Variants in TRIM33 observed in about 807,000 individuals in gnomAD.
The protein encoded by TRIM33 is tripartite motif containing 33.
A neutral mutation model predicts 125.4 loss-of-function variants in TRIM33; 20 were observed. That is an observed-to-expected ratio of 0.16 (90% CI 0.11 to 0.23). The LOEUF (loss-of-function observed/expected upper bound fraction) is 0.23. Ranked by LOEUF, TRIM33 falls within the 10% of genes least tolerant of loss-of-function variation. The pLI, the probability that TRIM33 is intolerant of heterozygous loss-of-function variation, is 1.00. For synonymous variants in TRIM33, 564 were observed against 513.9 expected, an observed-to-expected ratio of 1.10 and a Z score of -1.32; for missense variants, 920 against 1,411.4, an observed-to-expected ratio of 0.65 and a Z score of 5.58.
intron 1 of TRIM33, among the ~76,000 whole-genome samples, chr1:114,480,659 C>T (rs1010897918): frequency 2.0e-5 from 3 of 151,806 alleles, no homozygotes; most frequent in Non-Finnish European, 2.9e-5. Context: ...AAAAATGACA[C>T]ACGGAAAACA....
intron 1 of TRIM33, among the ~76,000 whole-genome samples, chr1:114,492,550 C>G (rs1014720499): frequency 1.3e-5 from 2 of 152,114 alleles, no homozygotes; most frequent in African/African-American, 2.4e-5. Flanking sequence ...ATTCCTCCCC[C>G]ACTCCCATCC....
At position 114,394,101 on chromosome 1, in the gene TRIM33, T is replaced by C. The variant is rs990261091; in HGVS notation, c.*3547A>G. ...TTCAGCAGATCATTAACATAGATGGTACAGAAATTAAGAATTCATGGTATG... is the reference window on the plus strand; with the variant it reads ...TTCAGCAGATCATTAACATAGATGGCACAGAAATTAAGAATTCATGGTATG... On this transcript the variant is annotated 3_prime_UTR_variant, in exon 20 of 20. Transcript: ENST00000358465. The C allele has an allele frequency of 2.2e-5, 5 of 228,076 alleles. No homozygotes were observed. The highest frequency in any genetic ancestry group is 4.4e-5 in the Non-Finnish European group (5 of 114,610). 14.1% of individuals were successfully genotyped at this position (228,076 alleles called of 1,614,324 possible).
chr1:114,424,881 C>A, intron 9 of TRIM33, 126 bp from the exon 10 acceptor site: 1 of 681,068 alleles, frequency 1.5e-6, no homozygotes, highest in Non-Finnish European at 2.2e-6. Flanking sequence ...ATAAATAATT[C>A]TTATCGCTAG....
chr1:114,410,221 A>G lies in TRIM33; in HGVS notation c.2157T>C (p.Pro719=). The change falls in exon 12 of 20, where the codon CCT becomes CCC. Residue 719 remains proline, a synonymous_variant. Transcript: ENST00000358465. ...GAGAAAGGGCAGAGGGACCTGGAGA[A>G]GGATTCATGGTGCTTGTAGGCTGTG... is the stretch of plus-strand genomic sequence containing the variant. ...LPPQPTSTMN[P]SPGPSALSPG... is the part of the protein sequence containing the mutation. 1 of 1,614,054 alleles carries G rather than the reference A, an allele frequency of 6.2e-7. No individual in the cohort carries two copies. The highest frequency in any genetic ancestry group is 1.7e-5 in the Admixed American group (1 of 59,988).
At chr1:114,498,173 A>G (rs1448436031) in intron 1 of TRIM33, among the ~76,000 whole-genome samples, 1 of 151,940 alleles carries the variant, frequency 6.6e-6, no homozygotes, top group Non-Finnish European at 1.5e-5. Context: ...ACCAAATATA[A>G]ATAAGGAATC....
intron 15 of TRIM33, chr1:114,404,847 A>G (rs184906316): frequency 2.4e-4 from 37 of 151,422 alleles, no homozygotes; most frequent in African/African-American, 8.7e-4. Flanking sequence ...GCAAGAAAAA[A>G]GCTGGGTTTA....
At chr1:114,476,998 C>T (rs993356882) in intron 1 of TRIM33, among the ~76,000 whole-genome samples, 1 of 151,998 alleles carries the variant, frequency 6.6e-6, no homozygotes, top group African/African-American at 2.4e-5. Flanking sequence ...TAAAACCTAC[C>T]AAAGGCAATG....
chr1:114,432,179 C>A (rs1219589880), intron 5 of TRIM33, among the ~76,000 whole-genome samples: 3 of 152,072 alleles, frequency 2.0e-5, no homozygotes, highest in Non-Finnish European at 4.4e-5. Context: ...ACAGGTAAAC[C>A]TCTTGCCCTA....
At chr1:114,402,207 T>C (rs1457012190) in intron 16 of TRIM33, among the ~76,000 whole-genome samples, 2 of 152,126 alleles carry the variant, frequency 1.3e-5, no homozygotes, top group African/African-American at 4.8e-5. Context: ...TGAGAAGCTA[T>C]TAGAGGATTT....
chr1:114,424,759 C>CA lies in TRIM33; in HGVS notation c.1696-5dup, dbSNP rs750501384. 6.8e-7 allele frequency: 1 copy of CA among 1,468,076 alleles called. No homozygotes were observed. Among genetic ancestry groups the CA allele is most frequent in the South Asian group, 1.5e-5 (1 of 66,812 alleles). 90.9% of individuals were successfully genotyped at this position (1,468,076 alleles called of 1,614,324 possible). A position where few individuals can be genotyped will look rare whatever the true frequency, so the allele number is the denominator to read the frequency against. On this transcript the variant is annotated splice_polypyrimidine_tract_variant and splice_region_variant and intron_variant, in intron 9 of 19. Coordinates refer to ENST00000358465, the MANE Select transcript of TRIM33 (RefSeq NM_015906.4). ...GCACACTGATCAATCGAGGAGGCTA[C>CA]AAAAAGTAGAAATTGCAATTTATGT...
Position 114,421,616 on chromosome 1 carries a change from A to G in TRIM33, c.1881T>C (p.Ala627=), listed in dbSNP as rs1386881444. The stretch of plus-strand genomic sequence containing the variant: ...GTACCGATACTACGGGAAAGGGTCC[A>G]GCATGCCCTGGGTTTGAGTGCTAAT... ...LQRQHSNPGH[A]GPFPVVSVHN... The change falls in exon 11 of 20, where the codon GCT becomes GCC. Residue 627 remains alanine (A), a synonymous_variant. Coordinates refer to ENST00000358465, the MANE Select transcript of TRIM33 (RefSeq NM_015906.4). The G allele has an allele frequency of 6.2e-7, 1 of 1,614,188 alleles. No homozygotes were observed. Among genetic ancestry groups the G allele is most frequent in the Non-Finnish European group, 8.5e-7 (1 of 1,180,016 alleles).
At chr1:114,463,622 A>C in intron 2 of TRIM33, 66 bp from the exon 3 acceptor site, 1 of 1,018,374 alleles carries the variant, frequency 9.8e-7, no homozygotes, top group African/African-American at 1.6e-5. Flanking sequence ...AAAAAAAAAA[A>C]ACTTGTTCTT....
intron 4 of TRIM33, among the ~76,000 whole-genome samples, chr1:114,446,299 A>G (rs978384054): frequency 1.3e-5 from 2 of 152,250 alleles, no homozygotes; most frequent in Non-Finnish European, 2.9e-5. Context: ...ATAAAGTGAA[A>G]CAGAAATGGT....
intron 1 of TRIM33, among the ~76,000 whole-genome samples, chr1:114,490,101 A>AG (rs1367633783): frequency 3.5e-5 from 5 of 140,972 alleles, no homozygotes; most frequent in African/African-American, 1.3e-4. Flanking sequence ...AAAAAAAAAA[A>AG]AAAGAAAAGG....
At position 114,395,068 on chromosome 1, in the gene TRIM33, A is replaced by G. The variant is rs1651472217; in HGVS notation, c.*2580T>C. On this transcript the variant is annotated 3_prime_UTR_variant, in exon 20 of 20. Coordinates refer to ENST00000358465, the MANE Select transcript of TRIM33 (RefSeq NM_015906.4). ...AACATAAACTAATAGGAAAACATAT[A>G]TCTAAATATCAATTTAAGTTTTTAT... The G allele has an allele frequency of 5.2e-6, 1 of 191,664 alleles. No homozygotes were observed. The highest frequency in any genetic ancestry group is 1.1e-5 in the Non-Finnish European group (1 of 91,620). 11.9% of individuals were successfully genotyped at this position (191,664 alleles called of 1,614,324 possible).
intron 1 of TRIM33, among the ~76,000 whole-genome samples, chr1:114,475,498 G>A (rs770104093): frequency 1.1e-4 from 16 of 152,132 alleles, no homozygotes; most frequent in Non-Finnish European, 1.0e-4. Context: ...TGGCAAACAC[G>A]GTGAAACGCT....
intron 5 of TRIM33, 76 bp from the exon 6 acceptor site, chr1:114,430,988 T>C: frequency 1.2e-6 from 1 of 857,198 alleles, no homozygotes; most frequent in East Asian, 2.4e-5. Flanking sequence ...CAGAAATTCA[T>C]CCAACTGGGC....
chr1:114,415,946 TAA>T (rs34898099), intron 11 of TRIM33, among the ~76,000 whole-genome samples: 12 of 91,474 alleles, frequency 1.3e-4, no homozygotes, highest in East Asian at 7.6e-4. Flanking sequence ...AGACTCCATC[TAA>T]AAAAAAAAAA....
intron 4 of TRIM33, chr1:114,460,495 T>G (rs1417544947): frequency 3.4e-5 from 5 of 148,404 alleles, no homozygotes; most frequent in Non-Finnish European, 7.4e-5. Flanking sequence ...AGGAGAGAGA[T>G]AACACCCTAA....
Sources: gnomAD v4.1 joint callset for allele counts (sites outside exome capture counted in the v4.1 genomes callset) on GRCh38, gnomAD v4.1.1 for gene constraint, MANE v1.5 for transcripts, NCBI Gene and HGNC (gene_info 2026-07-23, HGNC 2026-07-21) for gene names.